TRABD2B: variants seen among roughly 807,000 people sequenced by gnomAD.
TRABD2B encodes the protein metalloprotease TIKI2.
TRABD2B carries 14 observed loss-of-function variants against 40.1 expected under a neutral mutation model. The observed-to-expected ratio is 0.35, with a 90% CI of 0.23 to 0.55. TRABD2B has a LOEUF of 0.55. Ranked by LOEUF, TRABD2B falls within the 20% of genes least tolerant of loss-of-function variation. The pLI is 0.90. For missense variants in TRABD2B, 541 were observed against 648.6 expected (o/e 0.83, Z 1.80); for synonymous variants, 263 against 277.0 (o/e 0.95, Z 0.50).
At chr1:47,966,195 G>T (rs1020312955) in intron 2 of TRABD2B, among the ~76,000 whole-genome samples, 1 of 152,140 alleles carries the variant, frequency 6.6e-6, no homozygotes, top group African/African-American at 2.4e-5. Context: ...CAGGGCAGGG[G>T]GCTGTGGGAA....
chr1:47,990,768 GTTTTATATATAT>G (rs1645990708), intron 2 of TRABD2B, among the ~76,000 whole-genome samples: 3 of 44,938 alleles, frequency 6.7e-5, no homozygotes, highest in Admixed American at 2.9e-4. Context: ...TAAAACGTTG[GTTTTATATATAT>G]ATATATATAT....
chr1:47,764,310 C>T lies in TRABD2B; in HGVS notation c.*1592G>A, dbSNP rs1457555902. On this transcript the variant is annotated 3_prime_UTR_variant, in exon 7 of 7. Transcript: ENST00000606738. ...TATTCCTCCTACTGTTACTATTATC[C>T]ATCAAGTGAAGGGTCCTTTCTGCTG... The T allele has an allele frequency of 6.6e-6, 1 of 152,226 alleles. No homozygotes were observed. Among genetic ancestry groups the T allele is most frequent in the Non-Finnish European group, 1.5e-5 (1 of 68,050 alleles). 9.4% of individuals were successfully genotyped at this position (152,226 alleles called of 1,614,324 possible).
chr1:47,897,854 GTTGA>G (rs1198909875), intron 2 of TRABD2B, among the ~76,000 whole-genome samples: 1 of 152,176 alleles, frequency 6.6e-6, no homozygotes, highest in Non-Finnish European at 1.5e-5. Flanking sequence ...TTTTTAGAGG[GTTGA>G]TTATTGGTAA....
rs542721004 is a variant in TRABD2B at position 47,902,820 on chromosome 1, T to C, written c.666+91214A>G. ...GGACATTCTTTAGTACATGTGGCTG[T>C]TGAGCACCTGAAATGTGGCTATTGA... is the stretch of plus-strand genomic sequence containing the variant. On this transcript the variant is annotated intron_variant, in intron 2 of 6. Coordinates refer to ENST00000606738, the MANE Select transcript of TRABD2B (RefSeq NM_001194986.2). 9.1e-3 allele frequency among the ~76,000 whole-genome samples: 1,387 copies of C among 152,318 alleles called. 23 individuals are homozygous for C. The highest frequency in any genetic ancestry group is 0.03 in the African/African-American group (1,260 of 41,566).
chr1:47,839,934 C>G (rs1424674830), intron 2 of TRABD2B, among the ~76,000 whole-genome samples: 1 of 152,160 alleles, frequency 6.6e-6, no homozygotes, highest in Non-Finnish European at 1.5e-5. Context: ...CATCGATGGC[C>G]AAGCTTGTTG....
chr1:47,780,633 G>T (rs975183546), intron 4 of TRABD2B, among the ~76,000 whole-genome samples: 1 of 152,198 alleles, frequency 6.6e-6, no homozygotes, highest in Admixed American at 6.5e-5. Context: ...CCTGGAGGGG[G>T]CACTGCTAGC....
chr1:47,823,600 G>A (rs1439175292), intron 2 of TRABD2B, among the ~76,000 whole-genome samples: 1 of 152,222 alleles, frequency 6.6e-6, no homozygotes, highest in Non-Finnish European at 1.5e-5. Flanking sequence ...GTCAGAGCAG[G>A]GGGAGGTGCA....
intron 2 of TRABD2B, among the ~76,000 whole-genome samples, chr1:47,942,516 G>A (rs1309115660): frequency 6.6e-6 from 1 of 152,124 alleles, no homozygotes; most frequent in Non-Finnish European, 1.5e-5. Context: ...TGACTCAAAG[G>A]AGATGTGGCT....
chr1:47,883,725 C>T (rs941044939), intron 2 of TRABD2B, among the ~76,000 whole-genome samples: 1 of 152,226 alleles, frequency 6.6e-6, no homozygotes, highest in African/African-American at 2.4e-5. Flanking sequence ...GAGGCAGATG[C>T]TCAGAGGGAT....
Position 47,996,692 on chromosome 1 carries a change from C to A in TRABD2B, c.98G>T (p.Gly33Val). ...PPDGGQCRPP[G>V]SQRDLNSFLW... Reference sequence around the variant, plus strand: ...GCCGGGCAGGCGCTCGCTCACCGATCCGGGCGGCCGGCACTGTCCTCCGTC... The same window carrying A: ...GCCGGGCAGGCGCTCGCTCACCGATACGGGCGGCCGGCACTGTCCTCCGTC... Residue 33 changes from glycine (G) to valine (V), a missense_variant, in exon 1 of 7, where the codon GGA (glycine) becomes GTA (valine). By Grantham distance (109) the Gly-to-Val change is moderately radical. Around this residue, in one of 2 missense-constraint regions of TRABD2B, gnomAD observed 369 missense variants for 492.8 expected, o/e 0.75. Transcript: ENST00000606738. This position sits in a 1 kb window ranked among gnomAD's most constrained non-coding sequence, Gnocchi z 4.6. 8.1e-7 allele frequency: 1 copy of A among 1,229,210 alleles called. No homozygotes were observed. Among genetic ancestry groups the A allele is most frequent in the East Asian group, 3.2e-5 (1 of 31,318 alleles). 76.1% of individuals were successfully genotyped at this position (1,229,210 alleles called of 1,614,324 possible).
intron 2 of TRABD2B, among the ~76,000 whole-genome samples, chr1:47,812,352 G>A (rs1644976616): frequency 6.6e-6 from 1 of 152,180 alleles, no homozygotes; most frequent in African/African-American, 2.4e-5. Flanking sequence ...GCCTCAGAGG[G>A]GTTTCTGACC....
chr1:47,779,813 C>T (rs1644496389), intron 4 of TRABD2B, among the ~76,000 whole-genome samples: 1 of 152,200 alleles, frequency 6.6e-6, no homozygotes, highest in Admixed American at 6.5e-5. Flanking sequence ...CACTATTCCT[C>T]TAATTGCCTG....
chr1:47,969,879 C>T (rs1645656184), intron 2 of TRABD2B, among the ~76,000 whole-genome samples: 2 of 152,260 alleles, frequency 1.3e-5, no homozygotes, highest in East Asian at 1.9e-4. Context: ...GAGAAAGGAG[C>T]ATGCCCTCCC....
intron 4 of TRABD2B, among the ~76,000 whole-genome samples, 189 bp downstream of exon 4, chr1:47,794,397 G>A (rs1175280354): frequency 6.6e-6 from 1 of 152,100 alleles, no homozygotes; most frequent in African/African-American, 2.4e-5. Context: ...CGTGGGGACC[G>A]TTATGGAAGA....
At chr1:47,881,161 T>C (rs1165368654) in intron 2 of TRABD2B, among the ~76,000 whole-genome samples, 1 of 152,154 alleles carries the variant, frequency 6.6e-6, no homozygotes, top group African/African-American at 2.4e-5. Context: ...ATGCCCATGA[T>C]CAACTTGGGT....
At chr1:47,941,443 C>T (rs549322776) in intron 2 of TRABD2B, among the ~76,000 whole-genome samples, 29 of 152,350 alleles carry the variant, frequency 1.9e-4, no homozygotes, top group African/African-American at 6.5e-4. Flanking sequence ...CATACTTGCA[C>T]ACACAAACAC....
chr1:47,959,500 G>T (rs1645477493), intron 2 of TRABD2B, among the ~76,000 whole-genome samples: 1 of 152,124 alleles, frequency 6.6e-6, no homozygotes, highest in African/African-American at 2.4e-5. Flanking sequence ...GAATCAAATA[G>T]ATGCAATAAA....
At chr1:47,875,696 A>AG (rs1306536575) in intron 2 of TRABD2B, among the ~76,000 whole-genome samples, 11 of 133,224 alleles carry the variant, frequency 8.3e-5, no homozygotes, top group Non-Finnish European at 1.7e-4. Context: ...AAAAAAAAAA[A>AG]AAAAGAAGAA....
At chr1:47,868,575 C>G (rs926790980) in intron 2 of TRABD2B, among the ~76,000 whole-genome samples, 1 of 152,166 alleles carries the variant, frequency 6.6e-6, no homozygotes, top group Non-Finnish European at 1.5e-5. Context: ...AGCAGGAACC[C>G]TATTGTGAAC....
Sources: gnomAD v4.1 joint callset for allele counts (sites outside exome capture counted in the v4.1 genomes callset) on GRCh38, gnomAD v4.1.1 for gene constraint, gnomAD v4.1.1 regional missense constraint, Gnocchi (gnomAD v3.1) non-coding constraint, MANE v1.5 for transcripts, NCBI Gene and HGNC (gene_info 2026-07-23, HGNC 2026-07-21) for gene names.